Variants in RSU1 observed in about 807,000 individuals in gnomAD.
RSU1 encodes the protein rsu-1.
In RSU1, 26 loss-of-function variants were observed where a neutral mutation model predicts 31.1. That is an observed-to-expected ratio of 0.84 (90% CI 0.61 to 1.16). The LOEUF (loss-of-function observed/expected upper bound fraction) is 1.16, where lower values mean the gene tolerates loss of function less well. Ranked by LOEUF, RSU1 falls within the 50% of genes most tolerant of loss-of-function variation. The pLI is 0.00. For synonymous variants in RSU1, 164 were observed against 136.3 expected (o/e 1.20, Z -1.41); for missense variants, 320 against 339.1 (o/e 0.94, Z 0.44).
chr10:16,734,894 T>C (rs1836593169), intron 7 of RSU1, among the ~76,000 whole-genome samples: 1 of 152,144 alleles, frequency 6.6e-6, no homozygotes, highest in Non-Finnish European at 1.5e-5. Context: ...AATATGACTG[T>C]TGTCCTTACA....
intron 8 of RSU1, among the ~76,000 whole-genome samples, chr10:16,616,431 C>G (rs1174323394): frequency 1.1e-4 from 16 of 149,480 alleles, no homozygotes; most frequent in Admixed American, 1.1e-3. Context: ...CAAATTCTAC[C>G]AGAGACAAAA....
intron 7 of RSU1, among the ~76,000 whole-genome samples, chr10:16,749,790 G>A (rs890547174): frequency 2.0e-5 from 3 of 152,180 alleles, no homozygotes; most frequent in African/African-American, 4.8e-5. Context: ...CAAAGCCCAC[G>A]CCAACTCACC....
intron 8 of RSU1, among the ~76,000 whole-genome samples, chr10:16,687,219 T>G (rs975827449): frequency 1.3e-5 from 2 of 152,228 alleles, no homozygotes; most frequent in Non-Finnish European, 2.9e-5. Flanking sequence ...GCTAGTCTCC[T>G]GAAGCTGGTT....
At chr10:16,795,027 G>A (rs534049883) in intron 2 of RSU1, among the ~76,000 whole-genome samples, 1 of 152,306 alleles carries the variant, frequency 6.6e-6, no homozygotes, top group South Asian at 2.1e-4. Context: ...GTGTTGTGCT[G>A]AGCACTTTAC....
intron 8 of RSU1, among the ~76,000 whole-genome samples, chr10:16,613,995 C>T (rs577263377): frequency 5.9e-5 from 9 of 152,102 alleles, no homozygotes; most frequent in African/African-American, 1.9e-4. Flanking sequence ...CAGGGGTACT[C>T]GCAGGGATTG....
At chr10:16,666,420 CATG>C (rs1834988525) in intron 8 of RSU1, among the ~76,000 whole-genome samples, 1 of 152,206 alleles carries the variant, frequency 6.6e-6, no homozygotes, top group Non-Finnish European at 1.5e-5. Flanking sequence ...TCTCAAATAA[CATG>C]TTGATCTGAA....
At chr10:16,732,470 A>T (rs1007704956) in intron 7 of RSU1, among the ~76,000 whole-genome samples, 16 of 152,300 alleles carry the variant, frequency 1.1e-4, no homozygotes, top group African/African-American at 3.6e-4. Context: ...CTGCCATGTG[A>T]TGATACAGAA....
chr10:16,651,517 T>C (rs1834683817), intron 8 of RSU1, among the ~76,000 whole-genome samples: 2 of 152,354 alleles, frequency 1.3e-5, no homozygotes, highest in South Asian at 2.1e-4. Flanking sequence ...ACAAATGTTG[T>C]AGAAAAGACT....
At chr10:16,642,483 T>C (rs919940138) in intron 8 of RSU1, among the ~76,000 whole-genome samples, 1 of 152,196 alleles carries the variant, frequency 6.6e-6, no homozygotes, top group East Asian at 1.9e-4. Flanking sequence ...ATAGACTGTC[T>C]GCTGCATGCT....
intron 8 of RSU1, among the ~76,000 whole-genome samples, chr10:16,651,147 G>C (rs1348004255): frequency 2.0e-5 from 3 of 152,008 alleles, no homozygotes; most frequent in Admixed American, 6.5e-5. Context: ...TTTTACTACT[G>C]AGCTATGATG....
chr10:16,758,703 G>A (rs536408585), intron 4 of RSU1, among the ~76,000 whole-genome samples: 2 of 152,276 alleles, frequency 1.3e-5, no homozygotes, highest in South Asian at 4.1e-4. Context: ...GCTTCTCAGG[G>A]AATGAGAGCT....
At chr10:16,735,870 G>A in intron 7 of RSU1, among the ~76,000 whole-genome samples, 1 of 152,130 alleles carries the variant, frequency 6.6e-6, no homozygotes, top group Admixed American at 6.5e-5. Context: ...TACAATTCAA[G>A]ATGAGATTTG....
chr10:16,680,685 T>TA (rs1426630191), intron 8 of RSU1, among the ~76,000 whole-genome samples: 1 of 152,048 alleles, frequency 6.6e-6, no homozygotes, highest in African/African-American at 2.4e-5. Flanking sequence ...GAGCAAGAGC[T>TA]CACTCATCAC....
intron 8 of RSU1, among the ~76,000 whole-genome samples, chr10:16,660,916 G>A (rs1480089517): frequency 6.6e-6 from 1 of 151,962 alleles, no homozygotes; most frequent in Non-Finnish European, 1.5e-5. Context: ...CCAAAGTGCT[G>A]GGATTACAGG....
At chr10:16,624,343 C>G (rs1036924723) in intron 8 of RSU1, among the ~76,000 whole-genome samples, 1 of 152,096 alleles carries the variant, frequency 6.6e-6, no homozygotes, top group African/African-American at 2.4e-5. Context: ...GTCCCACTGC[C>G]CTAACCTCTT....
chr10:16,727,816 G>A (rs1836428604), intron 7 of RSU1, among the ~76,000 whole-genome samples: 1 of 152,174 alleles, frequency 6.6e-6, no homozygotes, highest in Non-Finnish European at 1.5e-5. Context: ...AAATTTCATT[G>A]CAGACAGCCT....
At chr10:16,727,900 C>A (rs993691791) in intron 7 of RSU1, among the ~76,000 whole-genome samples, 1 of 152,150 alleles carries the variant, frequency 6.6e-6, no homozygotes, top group Non-Finnish European at 1.5e-5. Context: ...GGAGGGAGAA[C>A]ACACGGATGA....
chr10:16,782,212 T>C, intron 2 of RSU1, 128 bp from the exon 3 acceptor site: 5 of 671,118 alleles, frequency 7.5e-6, no homozygotes, highest in Non-Finnish European at 1.3e-5. Flanking sequence ...CTCACCAAAA[T>C]AGAAGCTAGG....
intron 7 of RSU1, among the ~76,000 whole-genome samples, chr10:16,713,894 C>G (rs1836071915): frequency 6.6e-6 from 1 of 152,022 alleles, no homozygotes; most frequent in Non-Finnish European, 1.5e-5. Context: ...GGTGAGTTAG[C>G]TTTAGTTCTG....
Sources: allele counts gnomAD v4.1 joint callset (sites outside exome capture counted in the v4.1 genomes callset), GRCh38; gene constraint gnomAD v4.1.1; transcripts MANE v1.5; gene names NCBI Gene and HGNC (gene_info 2026-07-23, HGNC 2026-07-21).